The following COPS3 variants were observed in gnomAD, a reference collection of about 807,000 sequenced individuals.
The protein encoded by COPS3 is COP9 signalosome subunit 3, also known as COP9 signalosome complex subunit 3.
A neutral mutation model predicts 58.2 loss-of-function variants in COPS3; 10 were observed. The observed-to-expected ratio is 0.17, with a 90% CI of 0.11 to 0.29. COPS3 has a LOEUF of 0.29. Ranked by LOEUF, COPS3 falls within the 10% of genes least tolerant of loss-of-function variation. The pLI is 1.00. For synonymous variants in COPS3, 187 were observed against 181.7 expected (o/e 1.03, Z -0.24); for missense variants, 333 against 510.1 (o/e 0.65, Z 3.34).
At chr17:17,274,927 T>A (rs995802072) in intron 2 of COPS3, among the ~76,000 whole-genome samples, 1 of 152,030 alleles carries the variant, frequency 6.6e-6, no homozygotes, top group Non-Finnish European at 1.5e-5. Flanking sequence ...CTCACCACTC[T>A]ACTCCTCTTG....
In COPS3 at chr17:17,280,848, T is replaced by G. The variant is rs1210165925; in HGVS notation, c.55+284A>C. 14 of 1,186,494 alleles carry G rather than the reference T, an allele frequency of 1.2e-5. No homozygotes were observed. The East Asian group carries it at 3.9e-4, about 33-fold the overall frequency. 73.5% of individuals were successfully genotyped at this position (1,186,494 alleles called of 1,614,324 possible). On this transcript the variant is annotated intron_variant, in intron 1 of 11. Transcript: ENST00000268717. Reference sequence around the variant, plus strand: ...CCTGGCGGAAGTCACGCCCCCAAACTGTCAAGCAAAGCGCCCGGTGGAAGG... The same window carrying G: ...CCTGGCGGAAGTCACGCCCCCAAACGGTCAAGCAAAGCGCCCGGTGGAAGG...
rs552239580 is a variant in COPS3 at position 17,260,445 on chromosome 17, T to G, written c.792A>C (p.Ala264=). Residue 264 remains alanine, a synonymous_variant, in exon 8 of 12, where the codon GCA becomes GCC. Transcript: ENST00000268717. ...AGGGGTTGTTGGTTGAATACACTTGTGCTAACTCGTGGTATGCATTGCTAA... is the reference window on the plus strand; with the variant it reads ...AGGGGTTGTTGGTTGAATACACTTGGGCTAACTCGTGGTATGCATTGCTAA... ...KPLSNAYHEL[A]QVYSTNNPSE... is the part of the protein sequence containing the mutation. 1 of 1,614,134 alleles carries G rather than the reference T, an allele frequency of 6.2e-7. No homozygotes were observed. Among genetic ancestry groups the G allele is most frequent in the Non-Finnish European group, 8.5e-7 (1 of 1,180,022 alleles).
At chr17:17,256,608 C>CTT (rs113503910) in intron 8 of COPS3, among the ~76,000 whole-genome samples, 21 of 148,246 alleles carry the variant, frequency 1.4e-4, no homozygotes, top group African/African-American at 4.7e-4. Context: ...TTGAAAATTC[C>CTT]TTTTTTTTTT....
chr17:17,260,235 G>T, intron 8 of COPS3, 66 bp downstream of exon 8: 1 of 1,485,122 alleles, frequency 6.7e-7, no homozygotes, highest in Non-Finnish European at 9.3e-7. Context: ...TCTGAAAAGG[G>T]AGAGAAAGGG....
intron 2 of COPS3, among the ~76,000 whole-genome samples, chr17:17,271,884 T>TAATATATATTA (rs1374190793): frequency 3.9e-5 from 5 of 128,710 alleles, no homozygotes; most frequent in Admixed American, 3.1e-4. Flanking sequence ...ATATGTTTAA[T>TAATATATATTA]AATATATATT....
At chr17:17,252,030 C>T (rs956691481) in intron 9 of COPS3, among the ~76,000 whole-genome samples, 14 of 151,758 alleles carry the variant, frequency 9.2e-5, no homozygotes, top group Admixed American at 3.3e-4. Context: ...GATCGCACCA[C>T]TGCACTCCAG....
At chr17:17,247,707 AT>A in intron 10 of COPS3, 147 bp from the exon 11 acceptor site, 1 of 674,314 alleles carries the variant, frequency 1.5e-6, no homozygotes, top group Non-Finnish European at 2.5e-6. Flanking sequence ...GAGCCAGAGT[AT>A]TTTGGACTCA....
chr17:17,281,241 C>G lies in COPS3; in HGVS notation c.-55G>C, dbSNP rs1341535811. On this transcript the variant is annotated 5_prime_UTR_variant, in exon 1 of 12. Coordinates refer to ENST00000268717, the MANE Select transcript of COPS3 (RefSeq NM_003653.4). ...GGCAGCACGCGCGGGAAAAGGCTGC[C>G]GCTCTGGGAGGAGGGGCCGCGGCGA... 8.9e-6 allele frequency: 14 copies of G among 1,574,018 alleles called. No homozygotes were observed. The highest frequency in any genetic ancestry group is 1.2e-5 in the Non-Finnish European group (14 of 1,156,812).
chr17:17,247,602 AG>A, intron 10 of COPS3, 42 bp from the exon 11 acceptor site: 1 of 1,587,118 alleles, frequency 6.3e-7, no homozygotes, highest in Non-Finnish European at 8.6e-7. Context: ...CGGCGGGTTT[AG>A]GTCAGCTGCA....
intron 8 of COPS3, among the ~76,000 whole-genome samples, chr17:17,257,683 G>C (rs2048006472): frequency 6.6e-6 from 1 of 151,540 alleles, no homozygotes; most frequent in Non-Finnish European, 1.5e-5. Context: ...TGTAGTCCCA[G>C]CTACTCGGGA....
chr17:17,254,113 G>T (rs1388751200), intron 9 of COPS3, among the ~76,000 whole-genome samples: 6 of 151,902 alleles, frequency 3.9e-5, no homozygotes, highest in Admixed American at 3.3e-4. Flanking sequence ...ATCCAGCCTG[G>T]GCAACATGGA....
chr17:17,258,371 T>G (rs1251750801), intron 8 of COPS3, among the ~76,000 whole-genome samples: 3 of 152,340 alleles, frequency 2.0e-5, no homozygotes, highest in Admixed American at 6.5e-5. Flanking sequence ...CAATCTCGGC[T>G]CACTGCAACC....
At chr17:17,257,808 A>G (rs1344020955) in intron 8 of COPS3, among the ~76,000 whole-genome samples, 2 of 148,852 alleles carry the variant, frequency 1.3e-5, no homozygotes, top group Non-Finnish European at 1.5e-5. Flanking sequence ...AAAAAAAAAA[A>G]AAAGAAAAAG....
rs532526782 is a variant in COPS3, at chr17:17,271,857, T to C, written c.186-849A>G. 8.8e-3 allele frequency among the ~76,000 whole-genome samples: 1,196 copies of C among 135,248 alleles called. 18 individuals carry two copies. Among genetic ancestry groups the C allele is most frequent in the African/African-American group, 0.026 (961 of 37,594 alleles). 88.7% of individuals were successfully genotyped at this position (135,248 alleles called of 152,430 possible). A position where few individuals can be genotyped will look rare whatever the true frequency, so the allele number is the denominator to read the frequency against. On this transcript the variant is annotated intron_variant, in intron 2 of 11. Coordinates refer to ENST00000268717, the MANE Select transcript of COPS3 (RefSeq NM_003653.4). ...ATATATATCTATATATATATATATA[T>C]ACACACATACACACACATATGTTTA...
intron 1 of COPS3, chr17:17,280,477 T>C (rs1349441470): frequency 7.9e-6 from 8 of 1,014,666 alleles, no homozygotes; most frequent in Non-Finnish European, 1.0e-5. Flanking sequence ...GGAGAATCGC[T>C]TGAAGCCGGG....
chr17:17,276,257 G>A, intron 1 of COPS3, 93 bp from the exon 2 acceptor site: 1 of 1,524,304 alleles, frequency 6.6e-7, no homozygotes, highest in Non-Finnish European at 9.0e-7. Context: ...AGAGCCTGAA[G>A]TTCCCAAAAT....
At chr17:17,263,868 C>G (rs537978608) in intron 6 of COPS3, among the ~76,000 whole-genome samples, 1 of 152,350 alleles carries the variant, frequency 6.6e-6, no homozygotes, top group African/African-American at 2.4e-5. Context: ...CAAGTTTGCT[C>G]ATGAGTTAAC....
intron 2 of COPS3, 59 bp downstream of exon 2, chr17:17,275,976 G>C (rs1353486551): frequency 2.1e-6 from 3 of 1,427,918 alleles, no homozygotes; most frequent in Non-Finnish European, 1.9e-6. Context: ...AATAAAGCCA[G>C]GAAGTGCACA....
rs368677914 is a variant in COPS3, at chr17:17,281,115, G to A, written c.55+17C>T. 7 of 1,605,020 alleles carry A rather than the reference G, an allele frequency of 4.4e-6. No homozygotes were observed. In the African/African-American group the frequency reaches 9.3e-5, roughly 21 times the overall value. Reference sequence around the variant, plus strand: ...CCGGTACCCGCCCATGCCCAGCCCGGCGGCCTAGGGCGTTACCTTGAGCTG... The same window carrying A: ...CCGGTACCCGCCCATGCCCAGCCCGACGGCCTAGGGCGTTACCTTGAGCTG... On this transcript the variant is annotated intron_variant, in intron 1 of 11. Coordinates refer to ENST00000268717, the MANE Select transcript of COPS3 (RefSeq NM_003653.4).
Sources: gnomAD v4.1 joint callset for allele counts (sites outside exome capture counted in the v4.1 genomes callset) on GRCh38, gnomAD v4.1.1 for gene constraint, MANE v1.5 for transcripts, NCBI Gene and HGNC (gene_info 2026-07-23, HGNC 2026-07-21) for gene names.